SLC24A3: variants seen among roughly 807,000 people sequenced by gnomAD.
SLC24A3 encodes sodium/potassium/calcium exchanger 3.
Under a neutral mutation model 75.8 loss-of-function variants are expected in SLC24A3, and 28 were observed. The ratio of observed to expected loss-of-function variants is 0.37; its 90% CI spans 0.27 to 0.51. The LOEUF (loss-of-function observed/expected upper bound fraction) is 0.51, where lower values mean the gene tolerates loss of function less well. Among genes scored for constraint, SLC24A3 ranks in the 20% least tolerant of loss-of-function variants. The probability of loss-of-function intolerance (pLI) is 0.94; values close to 1 mark genes in which losing one functional copy is unlikely to be tolerated. For missense variants in SLC24A3, 663 were observed against 847.8 expected, an observed-to-expected ratio of 0.78 and a Z score of 2.71; for synonymous variants, 372 against 334.1, an observed-to-expected ratio of 1.11 and a Z score of -1.24.
chr20:19,638,023 T>C (rs1243088996), intron 6 of SLC24A3, among the ~76,000 whole-genome samples: 1 of 152,158 alleles, frequency 6.6e-6, no homozygotes, highest in Non-Finnish European at 1.5e-5. Flanking sequence ...AAGTGTGCTG[T>C]GGTGGTTTCC....
intron 3 of SLC24A3, among the ~76,000 whole-genome samples, chr20:19,543,142 A>G (rs2030530296): frequency 6.6e-6 from 1 of 152,166 alleles, no homozygotes; most frequent in Non-Finnish European, 1.5e-5. Flanking sequence ...TCCCCATTAT[A>G]CAGGAGAGTA....
In SLC24A3 at chr20:19,536,463, T is replaced by C. The variant is rs1044867987; in HGVS notation, c.348+20899T>C. On this transcript the variant is annotated intron_variant, in intron 3 of 16. Transcript: ENST00000328041. Reference sequence around the variant, plus strand: ...AGGCCATACTGCCCAAGGTAATTTATAGATTCAATGCCATCCCCATCAAGC... The same window carrying C: ...AGGCCATACTGCCCAAGGTAATTTACAGATTCAATGCCATCCCCATCAAGC... 2.0e-5 allele frequency among the ~76,000 whole-genome samples: 3 copies of C among 152,124 alleles called. No individual in the cohort carries two copies. In the East Asian group the frequency reaches 5.8e-4, roughly 29 times the overall value.
At chr20:19,380,115 G>C (rs1235387095) in intron 2 of SLC24A3, among the ~76,000 whole-genome samples, 1 of 152,174 alleles carries the variant, frequency 6.6e-6, no homozygotes, top group Non-Finnish European at 1.5e-5. Flanking sequence ...GTTTAGAAAA[G>C]GTTTGTAAGT....
intron 15 of SLC24A3, among the ~76,000 whole-genome samples, chr20:19,710,491 C>T (rs554989886): frequency 1.4e-4 from 22 of 152,358 alleles, no homozygotes; most frequent in Admixed American, 1.4e-3. Flanking sequence ...AAAATGCATG[C>T]TTCTTAAGGC....
intron 1 of SLC24A3, among the ~76,000 whole-genome samples, chr20:19,228,537 C>T (rs547588640): frequency 2.0e-5 from 3 of 151,698 alleles, no homozygotes; most frequent in Non-Finnish European, 2.9e-5. Flanking sequence ...CTCAGCTACT[C>T]GGGAGACTGA....
At chr20:19,236,183 G>A (rs1438057315) in intron 1 of SLC24A3, among the ~76,000 whole-genome samples, 2 of 152,174 alleles carry the variant, frequency 1.3e-5, no homozygotes, top group Non-Finnish European at 2.9e-5. Flanking sequence ...GGACACAGTC[G>A]TTGCTTTGAA....
intron 9 of SLC24A3, 87 bp from the exon 10 acceptor site, chr20:19,681,771 G>A: frequency 1.2e-6 from 2 of 1,602,196 alleles, no homozygotes; most frequent in Admixed American, 3.3e-5. Flanking sequence ...TGCAGACTGG[G>A]AGAGCTCTCA....
At chr20:19,617,305 G>A (rs2031748445) in intron 6 of SLC24A3, among the ~76,000 whole-genome samples, 1 of 151,612 alleles carries the variant, frequency 6.6e-6, no homozygotes, top group Non-Finnish European at 1.5e-5. Context: ...ACCTCTGCTG[G>A]TAGTTAGAAG....
At chr20:19,567,733 T>C (rs1408091227) in intron 3 of SLC24A3, among the ~76,000 whole-genome samples, 1 of 152,044 alleles carries the variant, frequency 6.6e-6, no homozygotes, top group Non-Finnish European at 1.5e-5. Flanking sequence ...AGCAGAAAAA[T>C]AGATATATTG....
At chr20:19,679,552 A>G (rs1418825806) in intron 9 of SLC24A3, among the ~76,000 whole-genome samples, 29 of 99,418 alleles carry the variant, frequency 2.9e-4, no homozygotes, top group East Asian at 6.6e-4. Context: ...GGAGAGGGAG[A>G]GGGAGAGGGA....
rs191626153 is a variant in SLC24A3, at chr20:19,263,909, T to A, written c.143-17050T>A. Reference sequence around the variant, plus strand: ...AGGATATTTTAGTTCTGGTGTCAAGTTCCAATGGTGAAAGGAGAAGAGAGA... The same window carrying A: ...AGGATATTTTAGTTCTGGTGTCAAGATCCAATGGTGAAAGGAGAAGAGAGA... On this transcript the variant is annotated intron_variant, in intron 1 of 16. Transcript: ENST00000328041. 2.0e-4 allele frequency among the ~76,000 whole-genome samples: 30 copies of A among 152,268 alleles called. No individual in the cohort carries two copies. In the East Asian group the frequency reaches 5.4e-3, roughly 27 times the overall value.
At chr20:19,349,090 C>T (rs1441919347) in intron 2 of SLC24A3, among the ~76,000 whole-genome samples, 2 of 152,124 alleles carry the variant, frequency 1.3e-5, no homozygotes, top group East Asian at 1.9e-4. Flanking sequence ...TACATAATTA[C>T]CAAGCAATAC....
chr20:19,585,725 A>G (rs1325486787), intron 6 of SLC24A3, among the ~76,000 whole-genome samples, 181 bp downstream of exon 6: 8 of 152,256 alleles, frequency 5.3e-5, no homozygotes, highest in Non-Finnish European at 1.2e-4. Context: ...GGAAACTGGT[A>G]ATCCACCATT....
intron 2 of SLC24A3, among the ~76,000 whole-genome samples, chr20:19,464,835 G>T (rs558339175): frequency 2.6e-5 from 4 of 152,190 alleles, no homozygotes; most frequent in Non-Finnish European, 5.9e-5. Context: ...GTACGATCAT[G>T]GGTATACTTT....
intron 8 of SLC24A3, among the ~76,000 whole-genome samples, chr20:19,672,089 A>G (rs1002148886): frequency 2.6e-5 from 4 of 152,222 alleles, no homozygotes; most frequent in Middle Eastern, 3.4e-3. Context: ...ACTGGTGTGG[A>G]TAGAAATCAC....
chr20:19,450,727 G>C (rs1335479412), intron 2 of SLC24A3, among the ~76,000 whole-genome samples: 1 of 152,178 alleles, frequency 6.6e-6, no homozygotes, highest in African/African-American at 2.4e-5. Flanking sequence ...GGCTGGGTTC[G>C]ATGGCTCACA....
Position 19,238,261 on chromosome 20 carries a change from G to C in SLC24A3, c.142+25277G>C, listed in dbSNP as rs116997862. Among the ~76,000 whole-genome samples, 4 of 152,268 alleles carry C rather than the reference G, an allele frequency of 2.6e-5. No individual in the cohort carries two copies. The East Asian group carries it at 7.7e-4, about 29-fold the overall frequency. ...TGTGCCGTTTGTCATCTGTGTGTCT[G>C]TTTTCTTGCTGAATGTTATGCTTGT... On this transcript the variant is annotated intron_variant, in intron 1 of 16. Transcript: ENST00000328041.
intron 2 of SLC24A3, among the ~76,000 whole-genome samples, chr20:19,360,187 G>A (rs1410605177): frequency 6.6e-6 from 1 of 152,166 alleles, no homozygotes; most frequent in Non-Finnish European, 1.5e-5. Flanking sequence ...CTATATCTTG[G>A]GTTTTGCTGA....
At chr20:19,705,037 A>G (rs973167378) in intron 15 of SLC24A3, among the ~76,000 whole-genome samples, 17 of 152,132 alleles carry the variant, frequency 1.1e-4, no homozygotes, top group Non-Finnish European at 1.0e-4. Context: ...CCCATGCATA[A>G]CTCTGGGCTC....
Sources: gnomAD v4.1 joint callset for allele counts (sites outside exome capture counted in the v4.1 genomes callset) on GRCh38, gnomAD v4.1.1 for gene constraint, MANE v1.5 for transcripts, NCBI Gene and HGNC (gene_info 2026-07-23, HGNC 2026-07-21) for gene names.